The following ITGA9 variants were observed in gnomAD, a reference collection of about 807,000 sequenced individuals.
The protein encoded by ITGA9 is integrin subunit alpha 9.
Under a neutral mutation model 127.8 loss-of-function variants are expected in ITGA9, and 56 were observed. The observed-to-expected ratio is 0.44, with a 90% CI of 0.35 to 0.55. ITGA9 has a LOEUF of 0.55. ITGA9 is among the 20% of genes least tolerant of loss of function. ITGA9 has a pLI of 0.00. For missense variants in ITGA9, 1,196 were observed against 1,347.1 expected (o/e 0.89, Z 1.76); for synonymous variants, 508 against 514.5 (o/e 0.99, Z 0.17).
At chr3:37,467,863 T>G (rs993530593) in intron 1 of ITGA9, among the ~76,000 whole-genome samples, 4 of 152,268 alleles carry the variant, frequency 2.6e-5, no homozygotes, top group Non-Finnish European at 5.9e-5. Context: ...TGCTAATTCT[T>G]CTCACCTGTG....
At chr3:37,462,358 T>G (rs553395524) in intron 1 of ITGA9, among the ~76,000 whole-genome samples, 2 of 152,370 alleles carry the variant, frequency 1.3e-5, no homozygotes, top group South Asian at 4.1e-4. Context: ...GTGTGGATTG[T>G]ACTGCTCTCC....
At chr3:37,456,114 C>G (rs974203467) in intron 1 of ITGA9, among the ~76,000 whole-genome samples, 49 of 152,206 alleles carry the variant, frequency 3.2e-4, no homozygotes, top group African/African-American at 1.2e-3. Context: ...GACCCAGCTT[C>G]TCTCAGAGTA....
In ITGA9 at chr3:37,598,000, G is replaced by C. The variant is rs1352420973; in HGVS notation, c.1690-31187G>C. 6.6e-6 allele frequency among the ~76,000 whole-genome samples: 1 copy of C among 152,204 alleles called. No homozygotes were observed. Among genetic ancestry groups the C allele is most frequent in the Admixed American group, 6.5e-5 (1 of 15,280 alleles). ...CTTGATAAGATCATCCTAACACAGAGGCAGATGTAGATTTGAACCCTATTT... is the reference window on the plus strand; with the variant it reads ...CTTGATAAGATCATCCTAACACAGACGCAGATGTAGATTTGAACCCTATTT... On this transcript the variant is annotated intron_variant, in intron 15 of 27. Transcript: ENST00000264741. This position sits in a 1 kb window ranked among gnomAD's most constrained non-coding sequence, Gnocchi z 4.6.
chr3:37,693,201 G>C (rs982819674), intron 18 of ITGA9, among the ~76,000 whole-genome samples: 4 of 152,182 alleles, frequency 2.6e-5, no homozygotes, highest in African/African-American at 9.7e-5. Flanking sequence ...CATTGTCTCT[G>C]ATCTCCTTGA....
intron 15 of ITGA9, among the ~76,000 whole-genome samples, chr3:37,618,028 G>C (rs2125629689): frequency 6.6e-6 from 1 of 152,338 alleles, no homozygotes; most frequent in East Asian, 1.9e-4. Flanking sequence ...TTTGGAGGAG[G>C]AGAGGCACTC....
At chr3:37,737,574 C>T (rs1277024350) in intron 20 of ITGA9, among the ~76,000 whole-genome samples, 1 of 152,166 alleles carries the variant, frequency 6.6e-6, no homozygotes, top group Non-Finnish European at 1.5e-5. Flanking sequence ...CCATGAGTGC[C>T]TGTGGGGGCT....
chr3:37,528,095 T>A (rs752961145), intron 13 of ITGA9, among the ~76,000 whole-genome samples: 1 of 152,214 alleles, frequency 6.6e-6, no homozygotes, highest in African/African-American at 2.4e-5. Flanking sequence ...CAACAGGCCC[T>A]CTTAAAACCG....
chr3:37,702,575 A>G (rs936659001), intron 18 of ITGA9, among the ~76,000 whole-genome samples: 10 of 152,036 alleles, frequency 6.6e-5, no homozygotes, highest in South Asian at 2.1e-4. Context: ...GCAGAATGCA[A>G]TTCTCTAAAG....
At chr3:37,497,912 G>C (rs905590942) in intron 5 of ITGA9, among the ~76,000 whole-genome samples, 26 of 152,232 alleles carry the variant, frequency 1.7e-4, no homozygotes, top group Admixed American at 6.5e-5. Context: ...AGGGCCTGAA[G>C]GGAGGCCTGG....
chr3:37,622,277 G>A (rs986734276), intron 15 of ITGA9, among the ~76,000 whole-genome samples: 1 of 151,702 alleles, frequency 6.6e-6, no homozygotes, highest in African/African-American at 2.4e-5. Flanking sequence ...TTTTAGTAGA[G>A]ACAGGGTTTC....
At chr3:37,724,141 G>A (rs1701220593) in intron 18 of ITGA9, among the ~76,000 whole-genome samples, 1 of 152,098 alleles carries the variant, frequency 6.6e-6, no homozygotes, top group Admixed American at 6.5e-5. Flanking sequence ...CAGCCTCTGG[G>A]CACACAGCTG....
intron 16 of ITGA9, among the ~76,000 whole-genome samples, chr3:37,646,338 A>T (rs1278411200): frequency 6.6e-6 from 1 of 152,236 alleles, no homozygotes; most frequent in Non-Finnish European, 1.5e-5. Context: ...AAAAGTTGCC[A>T]GCCTTGTTCT....
At chr3:37,605,808 C>G (rs1425662391) in intron 15 of ITGA9, among the ~76,000 whole-genome samples, 5 of 152,154 alleles carry the variant, frequency 3.3e-5, no homozygotes, top group African/African-American at 9.7e-5. Flanking sequence ...ATCAGTGTCT[C>G]TCTAAGGGAG....
chr3:37,563,711 G>A (rs1265417320), intron 15 of ITGA9, among the ~76,000 whole-genome samples: 4 of 152,216 alleles, frequency 2.6e-5, no homozygotes, highest in Admixed American at 6.5e-5. Context: ...TCAGATGTTG[G>A]GTTGGTCCTG....
chr3:37,502,407 G>T (rs1299405956), intron 5 of ITGA9, among the ~76,000 whole-genome samples: 2 of 151,854 alleles, frequency 1.3e-5, no homozygotes, highest in East Asian at 1.9e-4. Context: ...TAGAGACAGG[G>T]TTTCACCATG....
intron 16 of ITGA9, among the ~76,000 whole-genome samples, chr3:37,650,868 C>T (rs1700423230): frequency 6.6e-6 from 1 of 152,178 alleles, no homozygotes; most frequent in South Asian, 2.1e-4. Flanking sequence ...ACTGCAAGCT[C>T]CTACCCCTGG....
chr3:37,710,735 G>A (rs1366564237), intron 18 of ITGA9, among the ~76,000 whole-genome samples: 2 of 152,214 alleles, frequency 1.3e-5, no homozygotes, highest in Admixed American at 1.3e-4. Flanking sequence ...CAGTTAAGAT[G>A]CATGGTGACC....
intron 1 of ITGA9, among the ~76,000 whole-genome samples, chr3:37,453,500 GAGGGT>G (rs890305575): frequency 2.0e-5 from 3 of 152,310 alleles, no homozygotes; most frequent in Admixed American, 6.5e-5. Flanking sequence ...CTCTGGACCA[GAGGGT>G]ATAAACAGCC....
intron 15 of ITGA9, among the ~76,000 whole-genome samples, chr3:37,559,019 T>A (rs1055980575): frequency 4.6e-5 from 7 of 152,168 alleles, no homozygotes; most frequent in Admixed American, 4.6e-4. Context: ...TTTTATCTTC[T>A]GTACCAGAGC....
Sources: allele counts gnomAD v4.1 joint callset (sites outside exome capture counted in the v4.1 genomes callset), GRCh38; gene constraint gnomAD v4.1.1; non-coding constraint Gnocchi (gnomAD v3.1); transcripts MANE v1.5; gene names NCBI Gene and HGNC (gene_info 2026-07-23, HGNC 2026-07-21).